CTNND2: variants seen among roughly 807,000 people sequenced by gnomAD.
The protein encoded by CTNND2 is catenin delta 2.
In CTNND2, 22 loss-of-function variants were observed where a neutral mutation model predicts 144.4. That is an observed-to-expected ratio of 0.15 (90% CI 0.11 to 0.22). The LOEUF (loss-of-function observed/expected upper bound fraction) is 0.22. Ranked by LOEUF, CTNND2 falls within the 10% of genes least tolerant of loss-of-function variation. CTNND2 has a pLI of 1.00. For synonymous variants in CTNND2, 751 were observed against 695.6 expected, an observed-to-expected ratio of 1.08 and a Z score of -1.25; for missense variants, 1,353 against 1,618.8, an observed-to-expected ratio of 0.84 and a Z score of 2.82.
intron 9 of CTNND2, among the ~76,000 whole-genome samples, chr5:11,297,939 G>A (rs1749191477): frequency 6.6e-6 from 1 of 152,104 alleles, no homozygotes; most frequent in Non-Finnish European, 1.5e-5. Context: ...GTAAAAATTA[G>A]CACCTTCAAT....
At chr5:11,287,720 C>A (rs1384974766) in intron 9 of CTNND2, among the ~76,000 whole-genome samples, 1 of 152,138 alleles carries the variant, frequency 6.6e-6, no homozygotes, top group African/African-American at 2.4e-5. Flanking sequence ...CAGGCTTAGA[C>A]AATTCTGAGA....
chr5:11,406,550 CCA>C (rs1336665452), intron 5 of CTNND2, among the ~76,000 whole-genome samples: 2 of 152,050 alleles, frequency 1.3e-5, no homozygotes, highest in African/African-American at 4.8e-5. Context: ...AGGATGCCTC[CCA>C]CCTTTATTAT....
At chr5:11,193,436 A>G (rs1736539159) in intron 11 of CTNND2, among the ~76,000 whole-genome samples, 3 of 152,246 alleles carry the variant, frequency 2.0e-5, no homozygotes, top group Middle Eastern at 3.4e-3. Context: ...ATTCATTTTT[A>G]TCTTTGGGAT....
intron 18 of CTNND2, among the ~76,000 whole-genome samples, chr5:11,000,247 G>A (rs1189134222): frequency 1.3e-5 from 2 of 152,254 alleles, no homozygotes; most frequent in African/African-American, 2.4e-5. Context: ...GTGTGGCTGA[G>A]CGCAGTGGCT....
At chr5:11,765,034 G>GCCCCCC in intron 1 of CTNND2, among the ~76,000 whole-genome samples, 99 of 144,004 alleles carry the variant, frequency 6.9e-4, no homozygotes, top group African/African-American at 1.8e-3. Flanking sequence ...CATTAATCCT[G>GCCCCCC]CCCCCCCCAC....
intron 12 of CTNND2, among the ~76,000 whole-genome samples, chr5:11,148,696 CT>C (rs1580421852): frequency 6.6e-6 from 1 of 152,194 alleles, no homozygotes; most frequent in African/African-American, 2.4e-5. Flanking sequence ...GAGTGGGAAG[CT>C]GCTCAGACAG....
intron 9 of CTNND2, among the ~76,000 whole-genome samples, chr5:11,250,851 G>T (rs1253092138): frequency 6.6e-6 from 1 of 152,014 alleles, no homozygotes; most frequent in Non-Finnish European, 1.5e-5. Context: ...AGGTAGAGGG[G>T]TACACAGGGC....
chr5:10,973,329 C>G lies in CTNND2; in HGVS notation c.*124G>C. The G allele has an allele frequency of 9.7e-7, 1 of 1,032,476 alleles. No homozygotes were observed. The highest frequency in any genetic ancestry group is 1.6e-5 in the African/African-American group (1 of 61,852). The allele number at this position is 1,032,476 out of a possible 1,614,324, so 64.0% of individuals were successfully genotyped here. A position where few individuals can be genotyped will look rare whatever the true frequency, so the allele number is the denominator to read the frequency against. On this transcript the variant is annotated 3_prime_UTR_variant, in exon 22 of 22. Coordinates refer to ENST00000304623, the MANE Select transcript of CTNND2 (RefSeq NM_001332.4). The surrounding 1 kb of genome is among the most constrained non-coding windows in gnomAD (Gnocchi z 5.6). ...CTCTTAATATTTCCTTACTGGTTAT[C>G]ACAGCCTTCCTATGGAACAGGCTTT...
Position 11,269,654 on chromosome 5 carries a change from A to G in CTNND2, c.1629-32831T>C, listed in dbSNP as rs534336455. Among the ~76,000 whole-genome samples, 4 of 152,346 alleles carry G rather than the reference A, an allele frequency of 2.6e-5. No individual in the cohort carries two copies. The Middle Eastern group carries it at 0.01, about 389-fold the overall frequency. ...CAAAGACCACATGAATAGGAAGTTC[A>G]CAATAGATGGTTGGCATAAATGTCA... On this transcript the variant is annotated intron_variant, in intron 9 of 21. Coordinates refer to ENST00000304623, the MANE Select transcript of CTNND2 (RefSeq NM_001332.4).
chr5:11,186,011 C>T (rs551780608), intron 11 of CTNND2, among the ~76,000 whole-genome samples: 2 of 152,292 alleles, frequency 1.3e-5, no homozygotes, highest in Admixed American at 6.5e-5. Context: ...AATGGAAATG[C>T]GCTGTACATT....
At chr5:11,685,806 T>C (rs941951701) in intron 2 of CTNND2, among the ~76,000 whole-genome samples, 17 of 152,172 alleles carry the variant, frequency 1.1e-4, no homozygotes, top group African/African-American at 4.1e-4. Context: ...TATTTCCCAG[T>C]CTAGAGGTGA....
chr5:11,344,768 A>T (rs1205757179), intron 9 of CTNND2, among the ~76,000 whole-genome samples: 1 of 152,130 alleles, frequency 6.6e-6, no homozygotes, highest in East Asian at 1.9e-4. Context: ...CCATAACTTG[A>T]AAAGGTAAGA....
At chr5:11,866,287 C>T (rs545927628) in intron 1 of CTNND2, among the ~76,000 whole-genome samples, 27 of 152,112 alleles carry the variant, frequency 1.8e-4, no homozygotes, top group Non-Finnish European at 5.9e-5. Context: ...AGGATGATAA[C>T]GCCAGACGTT....
At chr5:11,254,523 T>C (rs945980468) in intron 9 of CTNND2, among the ~76,000 whole-genome samples, 1 of 152,116 alleles carries the variant, frequency 6.6e-6, no homozygotes, top group African/African-American at 2.4e-5. Context: ...TCCATTTGAA[T>C]AGGTATCAGA....
At chr5:11,688,297 C>G (rs1784748789) in intron 2 of CTNND2, among the ~76,000 whole-genome samples, 1 of 152,232 alleles carries the variant, frequency 6.6e-6, no homozygotes, top group Admixed American at 6.5e-5. Context: ...GAAGACAAGG[C>G]TCAGGTGTTC....
chr5:10,973,341 A>T lies in CTNND2; in HGVS notation c.*112T>A. 1 of 1,164,182 alleles carries T rather than the reference A, an allele frequency of 8.6e-7. No homozygotes were observed. The highest frequency in any genetic ancestry group is 1.2e-6 in the Non-Finnish European group (1 of 858,014). 72.1% of individuals were successfully genotyped at this position (1,164,182 alleles called of 1,614,324 possible). ...CCTTACTGGTTATCACAGCCTTCCT[A>T]TGGAACAGGCTTTAACAAACTAAAT... is the stretch of plus-strand genomic sequence containing the variant. On this transcript the variant is annotated 3_prime_UTR_variant, in exon 22 of 22. Coordinates refer to ENST00000304623, the MANE Select transcript of CTNND2 (RefSeq NM_001332.4). This position sits in a 1 kb window ranked among gnomAD's most constrained non-coding sequence, Gnocchi z 5.6.
chr5:11,084,615 G>A (rs1020111785), intron 15 of CTNND2, among the ~76,000 whole-genome samples: 8 of 152,140 alleles, frequency 5.3e-5, no homozygotes, highest in Non-Finnish European at 7.4e-5. Context: ...GGGTACTCCT[G>A]GCAACTTAGG....
rs551889477 is a variant in CTNND2, at chr5:10,978,886, C to T, written c.3417+2887G>A. Reference sequence around the variant, plus strand: ...TGCTTAAATGCTCGGGATCTGCTTACGTAAAAAGAAGGTGCCCCTTAGAGC... The same window carrying T: ...TGCTTAAATGCTCGGGATCTGCTTATGTAAAAAGAAGGTGCCCCTTAGAGC... On this transcript the variant is annotated intron_variant, in intron 21 of 21. Coordinates refer to ENST00000304623, the MANE Select transcript of CTNND2 (RefSeq NM_001332.4). Among the ~76,000 whole-genome samples, 14 of 152,308 alleles carry T rather than the reference C, an allele frequency of 9.2e-5. No individual in the cohort carries two copies. The South Asian group carries it at 1.4e-3, about 16-fold the overall frequency.
chr5:11,493,545 T>C (rs1048351955), intron 3 of CTNND2, among the ~76,000 whole-genome samples: 1 of 152,218 alleles, frequency 6.6e-6, no homozygotes, highest in African/African-American at 2.4e-5. Context: ...TTCTTATCTA[T>C]ACATCTGAGC....
Sources: allele counts gnomAD v4.1 joint callset (sites outside exome capture counted in the v4.1 genomes callset), GRCh38; gene constraint gnomAD v4.1.1; non-coding constraint Gnocchi (gnomAD v3.1); transcripts MANE v1.5; gene names NCBI Gene and HGNC (gene_info 2026-07-23, HGNC 2026-07-21).